PDE11A: variants seen among roughly 807,000 people sequenced by gnomAD.
PDE11A encodes the protein phosphodiesterase 11A.
PDE11A carries 100 observed loss-of-function variants against 100.5 expected under a neutral mutation model. That is an observed-to-expected ratio of 1.00 (90% CI 0.85 to 1.18). The LOEUF (loss-of-function observed/expected upper bound fraction) is 1.18. Ranked by LOEUF, PDE11A falls within the 50% of genes most tolerant of loss-of-function variation. PDE11A has a pLI of 0.00. For synonymous variants in PDE11A, 381 were observed against 420.8 expected (o/e 0.91, Z 1.16); for missense variants, 1,141 against 1,152.6 (o/e 0.99, Z 0.15).
At chr2:178,091,795 A>C (rs1353530409) in intron 2 of PDE11A, among the ~76,000 whole-genome samples, 1 of 151,632 alleles carries the variant, frequency 6.6e-6, no homozygotes, top group Non-Finnish European at 1.5e-5. Context: ...GGCTCTTTCC[A>C]CATTTATGAT....
intron 1 of PDE11A, among the ~76,000 whole-genome samples, chr2:178,024,828 A>G (rs2086458986): frequency 6.6e-6 from 1 of 152,234 alleles, no homozygotes; most frequent in African/African-American, 2.4e-5. Context: ...CCTTACACTT[A>G]TGACTTATCA....
chr2:178,063,883 G>C (rs2087005113), intron 1 of PDE11A, among the ~76,000 whole-genome samples: 1 of 152,142 alleles, frequency 6.6e-6, no homozygotes, highest in Non-Finnish European at 1.5e-5. Context: ...AGTCAATACA[G>C]GTACTACCAC....
rs752051407 is a variant in PDE11A, at chr2:177,727,656, AC to A, written c.2043+1del. 6 of 1,535,534 alleles carry A rather than the reference AC, an allele frequency of 3.9e-6. No homozygotes were observed. In the South Asian group the frequency reaches 6.7e-5, roughly 17 times the overall value. On this transcript the variant is annotated splice_donor_variant, in intron 12 of 19. Transcript: ENST00000286063. LOFTEE classifies it high-confidence loss of function. ...TCTTCCACCATCACTAAGCACACTT[AC>A]GGTTAACATCGCGAACATCAGCTGA... is the stretch of plus-strand genomic sequence containing the variant.
At chr2:177,640,179 T>TA (rs1359925414) in intron 19 of PDE11A, among the ~76,000 whole-genome samples, 2 of 152,148 alleles carry the variant, frequency 1.3e-5, no homozygotes, top group African/African-American at 4.8e-5. Context: ...AGAAAGAACT[T>TA]AGAGTATTTT....
At chr2:178,000,753 T>A (rs1277701499) in intron 2 of PDE11A, among the ~76,000 whole-genome samples, 1 of 152,196 alleles carries the variant, frequency 6.6e-6, no homozygotes, top group Non-Finnish European at 1.5e-5. Context: ...TTACAAATAT[T>A]TATGGAAAGC....
intron 19 of PDE11A, among the ~76,000 whole-genome samples, chr2:177,661,841 T>C (rs533469091): frequency 1.3e-5 from 2 of 152,212 alleles, no homozygotes; most frequent in Admixed American, 6.5e-5. Context: ...AATAAAAAAA[T>C]GGTGCAAGAA....
At chr2:177,912,137 A>C (rs1489496109) in intron 2 of PDE11A, among the ~76,000 whole-genome samples, 1 of 152,172 alleles carries the variant, frequency 6.6e-6, no homozygotes, top group East Asian at 1.9e-4. Context: ...TCACTGGTCC[A>C]AATTTGGGGC....
intron 2 of PDE11A, among the ~76,000 whole-genome samples, chr2:177,966,328 C>A (rs944590275): frequency 6.6e-6 from 1 of 152,002 alleles, no homozygotes; most frequent in South Asian, 2.1e-4. Flanking sequence ...TTCCTCTCGT[C>A]TTTTATTTCT....
At chr2:177,971,003 G>T (rs1241894602) in intron 2 of PDE11A, among the ~76,000 whole-genome samples, 2 of 152,144 alleles carry the variant, frequency 1.3e-5, no homozygotes, top group Non-Finnish European at 2.9e-5. Context: ...ACTTACTATT[G>T]TTTGATTAAA....
At chr2:177,789,825 C>T (rs188357684) in intron 9 of PDE11A, among the ~76,000 whole-genome samples, 369 of 152,278 alleles carry the variant, frequency 2.4e-3, no homozygotes, top group Non-Finnish European at 4.3e-3. Flanking sequence ...AGGAACCCAA[C>T]TTACAAGGGA....
In PDE11A at chr2:177,868,880, A is replaced by T. The variant is rs1330587045; in HGVS notation, c.1367+6979T>A. On this transcript the variant is annotated intron_variant, in intron 5 of 19. Coordinates refer to ENST00000286063, the MANE Select transcript of PDE11A (RefSeq NM_016953.4). ...GTTGGCTGCAATTTTAAGGGTTGCTAATGTCCAGTCTTGCCACTAGAAATT... is the reference window on the plus strand; with the variant it reads ...GTTGGCTGCAATTTTAAGGGTTGCTTATGTCCAGTCTTGCCACTAGAAATT... 4.6e-5 allele frequency among the ~76,000 whole-genome samples: 7 copies of T among 152,236 alleles called. 1 individual carries two copies. The highest frequency in any genetic ancestry group is 3.2e-3 in the Middle Eastern group (1 of 316).
chr2:177,979,696 T>C (rs1208779061), intron 2 of PDE11A, among the ~76,000 whole-genome samples: 2 of 144,678 alleles, frequency 1.4e-5, no homozygotes, highest in African/African-American at 5.1e-5. Context: ...CTGCAAGCTC[T>C]GCTTCCCGGG....
chr2:177,845,189 C>T (rs1360191443), intron 5 of PDE11A, among the ~76,000 whole-genome samples: 2 of 151,430 alleles, frequency 1.3e-5, no homozygotes, highest in Admixed American at 1.3e-4. Context: ...CACCTCCCTC[C>T]CGGACGGGGT....
rs548851887 is a variant in PDE11A at position 178,072,760 on chromosome 2, G to A, written c.-323C>T. 3 of 1,293,226 alleles carry A rather than the reference G, an allele frequency of 2.3e-6. No individual in the cohort carries two copies. The highest frequency in any genetic ancestry group is 3.3e-5 in the Admixed American group (1 of 30,436). The allele number at this position is 1,293,226 out of a possible 1,614,324, so 80.1% of individuals were successfully genotyped here. ...TGTTCTGGCTGCCGCCGCTGCTGCTGGAACTGCTGCTGTAACCGGATGAGT... is the reference window on the plus strand; with the variant it reads ...TGTTCTGGCTGCCGCCGCTGCTGCTAGAACTGCTGCTGTAACCGGATGAGT... On this transcript the variant is annotated 5_prime_UTR_variant, in exon 1 of 20. Coordinates refer to ENST00000286063, the MANE Select transcript of PDE11A (RefSeq NM_016953.4).
chr2:177,732,457 T>C (rs1414495893), intron 10 of PDE11A, among the ~76,000 whole-genome samples: 1 of 152,160 alleles, frequency 6.6e-6, no homozygotes, highest in Non-Finnish European at 1.5e-5. Flanking sequence ...TAGTTCTGAA[T>C]TGGCAAAGGA....
intron 2 of PDE11A, among the ~76,000 whole-genome samples, chr2:177,984,636 C>A (rs755788611): frequency 2.0e-5 from 3 of 152,174 alleles, no homozygotes; most frequent in African/African-American, 7.2e-5. Flanking sequence ...AAAAGCTACA[C>A]ATGTTAAGTT....
chr2:178,067,371 C>G (rs1559060711), intron 1 of PDE11A, among the ~76,000 whole-genome samples: 2 of 152,212 alleles, frequency 1.3e-5, no homozygotes, highest in Non-Finnish European at 2.9e-5. Context: ...CAAAGTCCTT[C>G]CTTCTTTTGT....
intron 9 of PDE11A, among the ~76,000 whole-genome samples, chr2:177,803,054 G>A (rs989851594): frequency 6.6e-6 from 1 of 151,642 alleles, no homozygotes; most frequent in African/African-American, 2.4e-5. Context: ...GAGAAATATT[G>A]ATTAAAGAAT....
chr2:177,642,300 G>A (rs531525077), intron 19 of PDE11A, among the ~76,000 whole-genome samples: 1 of 152,300 alleles, frequency 6.6e-6, no homozygotes, highest in East Asian at 1.9e-4. Context: ...AGTCACCCTG[G>A]AAAAGAGTGA....
Sources: gnomAD v4.1 joint callset for allele counts (sites outside exome capture counted in the v4.1 genomes callset) on GRCh38, gnomAD v4.1.1 for gene constraint, MANE v1.5 for transcripts, NCBI Gene and HGNC (gene_info 2026-07-23, HGNC 2026-07-21) for gene names.